The following UNC5D variants were observed in gnomAD, a reference collection of about 807,000 sequenced individuals.
The protein encoded by UNC5D is netrin receptor UNC5D.
UNC5D carries 39 observed loss-of-function variants against 105.4 expected under a neutral mutation model. The observed-to-expected ratio is 0.37, with a 90% CI of 0.29 to 0.48. The LOEUF (loss-of-function observed/expected upper bound fraction) is 0.48. Ranked by LOEUF, UNC5D falls within the 20% of genes least tolerant of loss-of-function variation. UNC5D has a pLI of 0.98. For synonymous variants in UNC5D, 452 were observed against 450.4 expected (o/e 1.00, Z -0.04); for missense variants, 991 against 1,202.4 (o/e 0.82, Z 2.60).
chr8:35,597,565 C>A (rs567336311), intron 4 of UNC5D, among the ~76,000 whole-genome samples: 1 of 152,190 alleles, frequency 6.6e-6, no homozygotes, highest in African/African-American at 2.4e-5. Context: ...TGTGAGTGTC[C>A]CCTGGTACAC....
rs555186309 is a variant in UNC5D at position 35,266,677 on chromosome 8, G to A, written c.103+30790G>A. On this transcript the variant is annotated intron_variant, in intron 1 of 16. Transcript: ENST00000404895. The stretch of plus-strand genomic sequence containing the variant: ...TTGTCTCCGCTCCATGAACTCTGGG[G>A]CCTCAGTAGGGAAGAATTGAATGCC... Among the ~76,000 whole-genome samples the A allele has an allele frequency of 4.6e-5, 7 of 152,278 alleles. No homozygotes were observed. The South Asian group carries it at 1.5e-3, about 32-fold the overall frequency.
chr8:35,284,637 C>T (rs1326811254), intron 1 of UNC5D, among the ~76,000 whole-genome samples: 2 of 152,180 alleles, frequency 1.3e-5, no homozygotes, highest in Non-Finnish European at 2.9e-5. Context: ...TCACTATAAG[C>T]TCCGCCTCCC....
intron 1 of UNC5D, among the ~76,000 whole-genome samples, chr8:35,269,221 A>G (rs1197841330): frequency 2.6e-5 from 4 of 152,322 alleles, no homozygotes; most frequent in Non-Finnish European, 4.4e-5. Context: ...AAAACAAAAA[A>G]TGATATCTGG....
chr8:35,728,490 A>AATGGGGCAT (rs1238729407), intron 10 of UNC5D, among the ~76,000 whole-genome samples: 4 of 152,176 alleles, frequency 2.6e-5, no homozygotes, highest in Non-Finnish European at 5.9e-5. Flanking sequence ...TTCTCCTTGA[A>AATGGGGCAT]ATGGGGCATT....
intron 16 of UNC5D, among the ~76,000 whole-genome samples, chr8:35,775,039 T>C (rs978261062): frequency 1.3e-5 from 2 of 152,162 alleles, no homozygotes; most frequent in Non-Finnish European, 2.9e-5. Context: ...GGTTTGCTAA[T>C]TGGGTCACCC....
chr8:35,409,525 T>C (rs1371812063), intron 1 of UNC5D, among the ~76,000 whole-genome samples: 2 of 152,126 alleles, frequency 1.3e-5, no homozygotes, highest in Non-Finnish European at 2.9e-5. Flanking sequence ...AATATGCTTA[T>C]TTGTCATCTA....
At chr8:35,406,306 A>G (rs1332305674) in intron 1 of UNC5D, among the ~76,000 whole-genome samples, 1 of 152,204 alleles carries the variant, frequency 6.6e-6, no homozygotes, top group East Asian at 1.9e-4. Context: ...GTATTGACAA[A>G]TTGCACATAT....
At chr8:35,424,380 T>A (rs191216537) in intron 1 of UNC5D, among the ~76,000 whole-genome samples, 1 of 152,324 alleles carries the variant, frequency 6.6e-6, no homozygotes, top group East Asian at 1.9e-4. Flanking sequence ...AGTAGTAGTC[T>A]TGGAAACCCA....
At chr8:35,644,317 A>G (rs1051230323) in intron 4 of UNC5D, among the ~76,000 whole-genome samples, 3 of 152,162 alleles carry the variant, frequency 2.0e-5, no homozygotes, top group African/African-American at 7.2e-5. Context: ...GTTGGTGGCC[A>G]TGCTTTGAGC....
At chr8:35,743,300 C>T (rs892284813) in intron 11 of UNC5D, among the ~76,000 whole-genome samples, 9 of 152,006 alleles carry the variant, frequency 5.9e-5, no homozygotes, top group Non-Finnish European at 1.3e-4. Flanking sequence ...GACAGAGTCT[C>T]GCTCTGTTGC....
chr8:35,238,825 A>C (rs2128799055), intron 1 of UNC5D, among the ~76,000 whole-genome samples: 1 of 152,312 alleles, frequency 6.6e-6, no homozygotes, highest in African/African-American at 2.4e-5. Flanking sequence ...TAGGCATAAT[A>C]ATAGTCTTGT....
chr8:35,577,758 A>T (rs1186756800), intron 3 of UNC5D, among the ~76,000 whole-genome samples: 1 of 152,210 alleles, frequency 6.6e-6, no homozygotes, highest in Non-Finnish European at 1.5e-5. Flanking sequence ...ATACTTATTA[A>T]TTACAAAGGG....
intron 4 of UNC5D, among the ~76,000 whole-genome samples, chr8:35,663,431 CTG>C (rs200739122): frequency 1.3e-5 from 2 of 152,314 alleles, no homozygotes; most frequent in East Asian, 3.9e-4. Context: ...GCAATAGCAA[CTG>C]TGGGATTTGA....
At chr8:35,653,646 C>T (rs1234553168) in intron 4 of UNC5D, among the ~76,000 whole-genome samples, 1 of 152,198 alleles carries the variant, frequency 6.6e-6, no homozygotes, top group East Asian at 1.9e-4. Context: ...TGTCAGTTCA[C>T]AAACTCTCCA....
intron 4 of UNC5D, among the ~76,000 whole-genome samples, chr8:35,603,304 A>C (rs1252818498): frequency 6.6e-6 from 1 of 152,072 alleles, no homozygotes; most frequent in Non-Finnish European, 1.5e-5. Context: ...TTATGTACCC[A>C]GTAGTCATTC....
In UNC5D at chr8:35,629,606, G is replaced by C. The variant is rs931093496; in HGVS notation, c.570+33949G>C. Among the ~76,000 whole-genome samples the C allele has an allele frequency of 2.6e-5, 4 of 152,150 alleles. No individual in the cohort carries two copies. The East Asian group carries it at 7.7e-4, about 29-fold the overall frequency. On this transcript the variant is annotated intron_variant, in intron 4 of 16. Coordinates refer to ENST00000404895, the MANE Select transcript of UNC5D (RefSeq NM_080872.4). ...CGATTCGGTGCAGTGTTCAATATTT[G>C]GGTGGTGGGTAGATTAAAAGCCCAA...
chr8:35,673,213 G>A (rs1488081242), intron 4 of UNC5D, among the ~76,000 whole-genome samples: 2 of 152,190 alleles, frequency 1.3e-5, no homozygotes, highest in Non-Finnish European at 2.9e-5. Context: ...AAACATGATA[G>A]TACTGTTATA....
chr8:35,388,716 A>T (rs966018443), intron 1 of UNC5D, among the ~76,000 whole-genome samples: 4 of 152,216 alleles, frequency 2.6e-5, no homozygotes, highest in African/African-American at 9.6e-5. Flanking sequence ...TGTTGTGGCT[A>T]TAAAGATGAT....
chr8:35,330,527 A>T (rs886866768), intron 1 of UNC5D, among the ~76,000 whole-genome samples: 1 of 152,244 alleles, frequency 6.6e-6, no homozygotes, highest in African/African-American at 2.4e-5. Context: ...TAGCTATTGC[A>T]TTATTCCAGC....
Sources: allele counts gnomAD v4.1 joint callset (sites outside exome capture counted in the v4.1 genomes callset), GRCh38; gene constraint gnomAD v4.1.1; transcripts MANE v1.5; gene names NCBI Gene and HGNC (gene_info 2026-07-23, HGNC 2026-07-21).